PPM1L: variants seen among roughly 807,000 people sequenced by gnomAD.
PPM1L encodes the protein protein phosphatase, Mg2+/Mn2+ dependent 1L.
In PPM1L, 13 loss-of-function variants were observed where a neutral mutation model predicts 31.4. That is an observed-to-expected ratio of 0.41 (90% confidence interval 0.27 to 0.66). PPM1L has a LOEUF of 0.66. Ranked by LOEUF, PPM1L falls within the 30% of genes least tolerant of loss-of-function variation. The pLI, the probability that PPM1L is intolerant of heterozygous loss-of-function variation, is 0.29. For synonymous variants in PPM1L, 184 were observed against 175.4 expected (o/e 1.05, Z -0.39); for missense variants, 326 against 453.7 (o/e 0.72, Z 2.56).
At chr3:160,836,092 G>A (rs1414172932) in intron 1 of PPM1L, among the ~76,000 whole-genome samples, 1 of 152,040 alleles carries the variant, frequency 6.6e-6, no homozygotes, top group Non-Finnish European at 1.5e-5. Flanking sequence ...TACATGATAG[G>A]CTCTAACTAT....
intron 1 of PPM1L, among the ~76,000 whole-genome samples, chr3:160,941,815 C>T (rs1715172552): frequency 6.6e-6 from 1 of 152,122 alleles, no homozygotes; most frequent in African/African-American, 2.4e-5. Flanking sequence ...GTGATAAGCT[C>T]TTTGAGGTCA....
chr3:160,869,714 A>G (rs1259096142), intron 1 of PPM1L, among the ~76,000 whole-genome samples: 2 of 85,626 alleles, frequency 2.3e-5, no homozygotes, highest in Admixed American at 1.3e-4. Context: ...CTTTGGTGCA[A>G]TGTATGTGTG....
At chr3:161,056,110 G>A (rs1389469106) in intron 2 of PPM1L, among the ~76,000 whole-genome samples, 6 of 152,102 alleles carry the variant, frequency 3.9e-5, no homozygotes, top group Non-Finnish European at 8.8e-5. Context: ...TTGGAGGGGG[G>A]CAAGGGAGTG....
chr3:160,804,902 G>A (rs1712551280), intron 1 of PPM1L, among the ~76,000 whole-genome samples: 1 of 152,218 alleles, frequency 6.6e-6, no homozygotes, highest in Non-Finnish European at 1.5e-5. Flanking sequence ...ACATGTAAGG[G>A]ATCTGCCTCC....
In PPM1L at chr3:161,072,845, T is replaced by C. The variant is rs1395785807; in HGVS notation, c.*3688T>C. 6.6e-6 allele frequency: 1 copy of C among 152,232 alleles called. No individual in the cohort carries two copies. The highest frequency in any genetic ancestry group is 6.5e-5 in the Admixed American group (1 of 15,280). 9.4% of individuals were successfully genotyped at this position (152,232 alleles called of 1,614,324 possible). A position where few individuals can be genotyped will look rare whatever the true frequency, so the allele number is the denominator to read the frequency against. On this transcript the variant is annotated 3_prime_UTR_variant, in exon 4 of 4. Coordinates refer to ENST00000498165, the MANE Select transcript of PPM1L (RefSeq NM_139245.4). ...TAGGAATATATACTTTGTATAAAAC[T>C]TTTCCAATGATTTCAGAAATTCTTT...
At chr3:160,915,529 T>G (rs1201590986) in intron 1 of PPM1L, among the ~76,000 whole-genome samples, 3 of 152,160 alleles carry the variant, frequency 2.0e-5, no homozygotes, top group African/African-American at 7.2e-5. Context: ...AAGCTGCCAA[T>G]GACTTTCTTC....
intron 1 of PPM1L, among the ~76,000 whole-genome samples, chr3:160,761,342 T>G (rs1714963386): frequency 1.3e-5 from 2 of 152,222 alleles, no homozygotes; most frequent in African/African-American, 4.8e-5. Context: ...GTCATTTGCC[T>G]GTGAGGGTTG....
chr3:160,973,852 C>CT (rs547100908), intron 2 of PPM1L, among the ~76,000 whole-genome samples: 1,349 of 120,416 alleles, frequency 0.011, 11 homozygotes, highest in Non-Finnish European at 0.018. Flanking sequence ...TCTAGTTTTT[C>CT]TTTTTTTTTC....
chr3:160,872,789 T>C (rs1439841646), intron 1 of PPM1L, among the ~76,000 whole-genome samples: 3 of 152,066 alleles, frequency 2.0e-5, no homozygotes, highest in Non-Finnish European at 4.4e-5. Context: ...TAGCTGGGCG[T>C]GGTGGCAGGC....
At chr3:160,980,040 G>T (rs1277203377) in intron 2 of PPM1L, among the ~76,000 whole-genome samples, 1 of 151,934 alleles carries the variant, frequency 6.6e-6, no homozygotes, top group Non-Finnish European at 1.5e-5. Context: ...GCCAGAACTG[G>T]TTCCAGATTC....
chr3:160,786,288 G>A (rs1413822327), intron 1 of PPM1L, among the ~76,000 whole-genome samples: 1 of 140,826 alleles, frequency 7.1e-6, no homozygotes, highest in Non-Finnish European at 1.5e-5. Flanking sequence ...CATGATCTTG[G>A]CTCACTGCAA....
intron 1 of PPM1L, among the ~76,000 whole-genome samples, chr3:160,843,426 TTATATATATATATA>T (rs55994031): frequency 0.018 from 852 of 47,530 alleles, 32 homozygotes; most frequent in Non-Finnish European, 0.021. Context: ...GGCAATTCTT[TTATATATATATATA>T]TATATATATA....
intron 2 of PPM1L, among the ~76,000 whole-genome samples, chr3:161,046,461 A>G (rs1719073077): frequency 6.6e-6 from 1 of 152,082 alleles, no homozygotes; most frequent in South Asian, 2.1e-4. Flanking sequence ...CCTACCAACC[A>G]AAAAAAGTCC....
At chr3:160,999,908 G>A (rs1365747786) in intron 2 of PPM1L, among the ~76,000 whole-genome samples, 2 of 152,160 alleles carry the variant, frequency 1.3e-5, no homozygotes, top group Non-Finnish European at 2.9e-5. Flanking sequence ...TGCATACAAC[G>A]CTTAATGTGG....
At chr3:161,013,790 G>T (rs540206348) in intron 2 of PPM1L, among the ~76,000 whole-genome samples, 1 of 152,236 alleles carries the variant, frequency 6.6e-6, no homozygotes, top group African/African-American at 2.4e-5. Flanking sequence ...GACCTTCTTT[G>T]TCTCTTTTGA....
chr3:161,002,330 T>G (rs1559919603), intron 2 of PPM1L, among the ~76,000 whole-genome samples: 1 of 152,186 alleles, frequency 6.6e-6, no homozygotes, highest in Non-Finnish European at 1.5e-5. Flanking sequence ...CAGCATGATT[T>G]ATAGTCGTTT....
At chr3:160,807,986 A>G (rs1712655403) in intron 1 of PPM1L, among the ~76,000 whole-genome samples, 1 of 152,194 alleles carries the variant, frequency 6.6e-6, no homozygotes, top group African/African-American at 2.4e-5. Context: ...GGAGAGTGTT[A>G]TGACGAGGAT....
chr3:160,876,756 G>A (rs1162287516), intron 1 of PPM1L, among the ~76,000 whole-genome samples: 1 of 152,172 alleles, frequency 6.6e-6, no homozygotes, highest in Non-Finnish European at 1.5e-5. Flanking sequence ...TGCTACAATG[G>A]CTGGAGCACC....
intron 2 of PPM1L, among the ~76,000 whole-genome samples, chr3:160,995,387 C>T (rs532277841): frequency 4.6e-5 from 7 of 152,182 alleles, no homozygotes; most frequent in African/African-American, 1.7e-4. Flanking sequence ...ATGGCACAAT[C>T]TCGACTTACT....
Sources: allele counts gnomAD v4.1 joint callset (sites outside exome capture counted in the v4.1 genomes callset), GRCh38; gene constraint gnomAD v4.1.1; transcripts MANE v1.5; gene names NCBI Gene and HGNC (gene_info 2026-07-23, HGNC 2026-07-21).